The following USP50 variants were observed in gnomAD, a reference collection of about 807,000 sequenced individuals.
The protein encoded by USP50 is ubiquitin specific peptidase 50.
In USP50, 37 loss-of-function variants were observed where a neutral mutation model predicts 39.2. The observed-to-expected ratio is 0.94, with a 90% CI of 0.73 to 1.24. The LOEUF is 1.24. Ranked by LOEUF, USP50 falls within the 50% of genes most tolerant of loss-of-function variation. USP50 has a pLI of 0.00. For synonymous variants in USP50, 139 were observed against 144.5 expected (o/e 0.96, Z 0.27); for missense variants, 374 against 398.2 (o/e 0.94, Z 0.52).
chr15:50,527,030 C>G (rs1449734512), intron 6 of USP50, among the ~76,000 whole-genome samples: 7 of 152,194 alleles, frequency 4.6e-5, no homozygotes, highest in Non-Finnish European at 1.0e-4. Context: ...GCAGTAAACT[C>G]TTCAAGGGCT....
At chr15:50,507,274 C>T (rs933411632) in intron 6 of USP50, 1 of 152,508 alleles carries the variant, frequency 6.6e-6, no homozygotes, top group African/African-American at 2.4e-5. Flanking sequence ...CAGAGTGAGA[C>T]TCTGTCTCTA....
intron 5 of USP50, among the ~76,000 whole-genome samples, chr15:50,531,331 G>A (rs1217961141): frequency 1.3e-5 from 2 of 152,152 alleles, no homozygotes; most frequent in Admixed American, 1.3e-4. Context: ...CCATCAACTG[G>A]TGGAGACATA....
chr15:50,503,434 A>G (rs1027819656), intron 6 of USP50: 2 of 152,266 alleles, frequency 1.3e-5, no homozygotes, highest in Non-Finnish European at 2.9e-5. Flanking sequence ...TCGGGTTTTA[A>G]AGGTCACGCA....
intron 6 of USP50, among the ~76,000 whole-genome samples, chr15:50,520,335 C>T (rs1257053989): frequency 6.6e-6 from 1 of 150,898 alleles, no homozygotes; most frequent in Non-Finnish European, 1.5e-5. Context: ...GGGTTTCCCT[C>T]TGTCACCCAG....
downstream of USP50, chr15:50,493,622 A>G (rs1398910077): frequency 2.0e-5 from 8 of 409,162 alleles, no homozygotes; most frequent in Middle Eastern, 8.9e-4. Context: ...ATACATGCCT[A>G]TAGTCCCTGC....
intron 5 of USP50, among the ~76,000 whole-genome samples, chr15:50,538,407 G>C (rs2053001066): frequency 6.6e-6 from 1 of 152,006 alleles, no homozygotes. Context: ...GGGGGAGCAG[G>C]AATGTGGAGT....
At chr15:50,525,564 GTATATATGTATA>G (rs1566907550) in intron 6 of USP50, among the ~76,000 whole-genome samples, 14 of 131,334 alleles carry the variant, frequency 1.1e-4, no homozygotes, top group African/African-American at 2.5e-4. Flanking sequence ...GTGTATATAT[GTATATATGTATA>G]TGTATATATG....
intron 4 of USP50, among the ~76,000 whole-genome samples, chr15:50,539,247 T>G (rs1217986926): frequency 6.6e-6 from 1 of 151,092 alleles, no homozygotes; most frequent in African/African-American, 2.4e-5. Context: ...GAGCTGGGAT[T>G]ACAAGTGCGC....
intron 3 of USP50, among the ~76,000 whole-genome samples, chr15:50,542,026 C>T (rs2141380409): frequency 6.7e-6 from 1 of 148,438 alleles, no homozygotes; most frequent in African/African-American, 2.5e-5. Flanking sequence ...TAACAAAATC[C>T]TGTCTCTACA....
intron 6 of USP50, among the ~76,000 whole-genome samples, chr15:50,523,640 C>T (rs2052867777): frequency 6.6e-6 from 1 of 152,078 alleles, no homozygotes; most frequent in Admixed American, 6.6e-5. Flanking sequence ...GAAGAAAATG[C>T]AAATAAATGG....
intron 5 of USP50, among the ~76,000 whole-genome samples, chr15:50,536,497 C>T (rs956895244): frequency 5.3e-5 from 8 of 151,918 alleles, no homozygotes; most frequent in Non-Finnish European, 1.0e-4. Context: ...AAAAACTAGT[C>T]GGGTATGGTG....
chr15:50,529,996 A>T (rs2052928051), intron 5 of USP50, 67 bp from the exon 6 acceptor site: 2 of 1,587,738 alleles, frequency 1.3e-6, no homozygotes, highest in Admixed American at 3.6e-5. Flanking sequence ...CTACATGACA[A>T]ATTCCGAGTA....
At chr15:50,539,783 G>A (rs1331598980) in intron 4 of USP50, among the ~76,000 whole-genome samples, 9 of 152,160 alleles carry the variant, frequency 5.9e-5, no homozygotes, top group Admixed American at 4.6e-4. Flanking sequence ...AAAATGATCC[G>A]GTGACAAAAA....
chr15:50,546,013 A>G (rs1197992024), intron 1 of USP50, among the ~76,000 whole-genome samples: 3 of 151,446 alleles, frequency 2.0e-5, no homozygotes, highest in Non-Finnish European at 4.4e-5. Context: ...ACCTGCCTGC[A>G]CAGAGAGAAC....
chr15:50,509,209 TG>T (rs1396352233), intron 6 of USP50: 2 of 149,630 alleles, frequency 1.3e-5, no homozygotes, highest in Non-Finnish European at 2.9e-5. Flanking sequence ...TCCATCTACT[TG>T]GGAGGCTGAG....
intron 6 of USP50, among the ~76,000 whole-genome samples, chr15:50,526,828 C>A (rs1009128941): frequency 2.0e-5 from 3 of 152,214 alleles, no homozygotes; most frequent in South Asian, 2.1e-4. Context: ...TATTTAACCT[C>A]TCTGTGCCTG....
At chr15:50,500,133 T>TA (rs2052556015), downstream of USP50, 1 of 152,202 alleles carries the variant, frequency 6.6e-6, no homozygotes, top group Non-Finnish European at 1.5e-5. Context: ...AGACCACCAT[T>TA]AGCAGGCTCT....
intron 5 of USP50, chr15:50,532,231 G>C (rs1279891797): frequency 4.4e-6 from 2 of 456,086 alleles, no homozygotes; most frequent in African/African-American, 4.0e-5. Context: ...CATGCTTCTG[G>C]CAAGAAGAAG....
At chr15:50,544,359 C>A (rs1177681407) in intron 2 of USP50, among the ~76,000 whole-genome samples, 2 of 151,386 alleles carry the variant, frequency 1.3e-5, no homozygotes. Context: ...GAGACCCTGG[C>A]TCAACAACAA....
Sources: gnomAD v4.1 joint callset for allele counts (sites outside exome capture counted in the v4.1 genomes callset) on GRCh38, gnomAD v4.1.1 for gene constraint, MANE v1.5 for transcripts, NCBI Gene and HGNC (gene_info 2026-07-23, HGNC 2026-07-21) for gene names.